The following ERMAP variants were observed in gnomAD, a reference collection of about 807,000 sequenced individuals.
The protein encoded by ERMAP is erythroid membrane-associated protein.
A neutral mutation model predicts 49.5 loss-of-function variants in ERMAP; 34 were observed. The observed-to-expected ratio is 0.69, with a 90% confidence interval of 0.52 to 0.91. ERMAP has a LOEUF of 0.91. Among genes scored for constraint, ERMAP ranks in the 40% least tolerant of loss-of-function variants. ERMAP has a pLI of 0.00. For missense variants in ERMAP, 541 were observed against 582.6 expected, an observed-to-expected ratio of 0.93 and a Z score of 0.74; for synonymous variants, 214 against 232.2, an observed-to-expected ratio of 0.92 and a Z score of 0.71.
chr1:42,837,161 A>G lies in ERMAP; in HGVS notation c.587A>G (p.Asn196Ser). ...LLYEHVTEVDNLLSDHAKEKG... is the reference protein window; with the variant it reads ...LLYEHVTEVDSLLSDHAKEKG... ...ATCTTTTCCTTTCTTCCTCTAGACAATCTTCTTTCAGACCATGCTAAAGAA... is the reference window on the plus strand; with the variant it reads ...ATCTTTTCCTTTCTTCCTCTAGACAGTCTTCTTTCAGACCATGCTAAAGAA... Residue 196 changes from asparagine (N) to serine (S), a missense_variant, in exon 7 of 12, where the codon AAT becomes AGT. By Grantham distance (46) the Asn-to-Ser change is conservative. Transcript: ENST00000372517. 1 of 1,614,076 alleles carries G rather than the reference A, an allele frequency of 6.2e-7. No individual in the cohort carries two copies. Among genetic ancestry groups the G allele is most frequent in the Middle Eastern group, 1.7e-4 (1 of 6,060 alleles).
intron 1 of ERMAP, among the ~76,000 whole-genome samples, chr1:42,822,274 C>G (rs1361813395): frequency 2.0e-5 from 3 of 151,994 alleles, no homozygotes; most frequent in Admixed American, 6.6e-5. Context: ...ACCTCCACCT[C>G]CCAGCTTCAA....
chr1:42,829,559 A>G (rs970375745), intron 2 of ERMAP, among the ~76,000 whole-genome samples: 1 of 152,252 alleles, frequency 6.6e-6, no homozygotes, highest in Admixed American at 6.5e-5. Flanking sequence ...AGGTGGGGAA[A>G]GAGCTTTACA....
At chr1:42,828,553 T>C (rs937882337) in intron 2 of ERMAP, among the ~76,000 whole-genome samples, 37 of 151,804 alleles carry the variant, frequency 2.4e-4, no homozygotes, top group Non-Finnish European at 2.4e-4. Flanking sequence ...TGGAGTGCAG[T>C]GGTGCAATCA....
At chr1:42,840,546 G>A (rs1466549) in intron 11 of ERMAP, among the ~76,000 whole-genome samples, 151,890 of 152,290 alleles carry the variant, frequency 1, 75,747 homozygotes, top group Middle Eastern at 1. Flanking sequence ...GTTTTCTGTG[G>A]TTTTTGAGAT....
At position 42,828,705 on chromosome 1, in the gene ERMAP, C is replaced by T. The variant is rs566622842; in HGVS notation, c.-5-1739C>T. Among the ~76,000 whole-genome samples the T allele has an allele frequency of 2.8e-4, 42 of 151,986 alleles. No homozygotes were observed. In the South Asian group the frequency reaches 8.3e-3, roughly 30 times the overall value. On this transcript the variant is annotated intron_variant, in intron 2 of 11. Transcript: ENST00000372517. ...TAGAGATGGAGTCTCACTATGTTGC[C>T]CAGGCTAGTCTCTAACTCCTGAGCT...
rs190661592 is a variant in ERMAP at position 42,819,001 on chromosome 1, G to A, written c.-122+1748G>A. Among the ~76,000 whole-genome samples, 8 of 152,210 alleles carry A rather than the reference G, an allele frequency of 5.3e-5. 1 individual carries two copies. The highest frequency in any genetic ancestry group is 4.2e-4 in the South Asian group (2 of 4,818). On this transcript the variant is annotated intron_variant, in intron 1 of 11. Coordinates refer to ENST00000372517, the MANE Select transcript of ERMAP (RefSeq NM_001017922.2). The surrounding 1 kb of genome is among the most constrained non-coding windows in gnomAD (Gnocchi z 5.1). The stretch of plus-strand genomic sequence containing the variant: ...TGAACTAGATTACAGCTGAAGACAC[G>A]GCAGGACCTTTAGAAGCCAGCTAAA...
rs578186524 is a variant in ERMAP, at chr1:42,819,956, T to C, written c.-122+2703T>C. On this transcript the variant is annotated intron_variant, in intron 1 of 11. Coordinates refer to ENST00000372517, the MANE Select transcript of ERMAP (RefSeq NM_001017922.2). This position sits in a 1 kb window ranked among gnomAD's most constrained non-coding sequence, Gnocchi z 5.1. ...TTATGTTTTTCCATTCTTGGTTTAT[T>C]CTCTCATTTTGGAGGAGTATGTTCT... is the stretch of plus-strand genomic sequence containing the variant. Among the ~76,000 whole-genome samples the C allele has an allele frequency of 4.6e-5, 7 of 152,336 alleles. No individual in the cohort carries two copies. The highest frequency in any genetic ancestry group is 6.5e-5 in the Admixed American group (1 of 15,306).
Position 42,817,242 on chromosome 1 carries a change from G to C in ERMAP, c.-133G>C, listed in dbSNP as rs1391164131. 2 of 1,253,984 alleles carry C rather than the reference G, an allele frequency of 1.6e-6. No homozygotes were observed. Among genetic ancestry groups the C allele is most frequent in the Non-Finnish European group, 2.1e-6 (2 of 972,804 alleles). 77.7% of individuals were successfully genotyped at this position (1,253,984 alleles called of 1,614,324 possible). On this transcript the variant is annotated 5_prime_UTR_variant, in exon 1 of 12. Transcript: ENST00000372517. Reference sequence around the variant, plus strand: ...GAGCCTCCGCCGAGTCGCAGACAACGCCTCCGGGAGGGTAATCCTCGCCTT... The same window carrying C: ...GAGCCTCCGCCGAGTCGCAGACAACCCCTCCGGGAGGGTAATCCTCGCCTT...
chr1:42,830,283 A>T (rs1188178408), intron 2 of ERMAP, 161 bp from the exon 3 acceptor site: 2 of 617,376 alleles, frequency 3.2e-6, no homozygotes, highest in Non-Finnish European at 5.8e-6. Flanking sequence ...AAGTTCGGTC[A>T]CAGTATCACA....
chr1:42,832,907 C>T (rs1333535634), intron 4 of ERMAP, among the ~76,000 whole-genome samples: 2 of 152,248 alleles, frequency 1.3e-5, no homozygotes, highest in Non-Finnish European at 1.5e-5. Flanking sequence ...GGCAGAGGCC[C>T]TGCTGGTGTG....
At position 42,835,715 on chromosome 1, in the gene ERMAP, T is replaced by A; in HGVS notation, c.551-17T>A. The A allele has an allele frequency of 6.2e-7, 1 of 1,611,590 alleles. No individual in the cohort carries two copies. Among genetic ancestry groups the A allele is most frequent in the Non-Finnish European group, 8.5e-7 (1 of 1,178,918 alleles). ...AGCCCTTCCTAAGCTGAGCTGGCAT[T>A]TCTCTCTCCCTTTTAGAAAAGCTTC... On this transcript the variant is annotated splice_polypyrimidine_tract_variant and intron_variant, in intron 5 of 11. Transcript: ENST00000372517.
At chr1:42,831,561 T>G (rs868175043) in intron 4 of ERMAP, among the ~76,000 whole-genome samples, 3 of 48,718 alleles carry the variant, frequency 6.2e-5, no homozygotes, top group African/African-American at 1.1e-4. Context: ...TAGTGTTTTT[T>G]TTTTTTTTTT....
chr1:42,843,484 G>T lies in ERMAP; in HGVS notation c.*252G>T. 1 of 393,720 alleles carries T rather than the reference G, an allele frequency of 2.5e-6. No individual in the cohort carries two copies. The highest frequency in any genetic ancestry group is 6.3e-5 in the South Asian group (1 of 15,828). The allele number at this position is 393,720 out of a possible 1,614,324, so 24.4% of individuals were successfully genotyped here. ...CAAACAATCAGTTTAGGTGCAGGTG[G>T]AGATGTTGAATATGTGTTACCAAGA... is the stretch of plus-strand genomic sequence containing the variant. On this transcript the variant is annotated 3_prime_UTR_variant, in exon 12 of 12. Coordinates refer to ENST00000372517, the MANE Select transcript of ERMAP (RefSeq NM_001017922.2).
rs372626338 is a variant in ERMAP at position 42,843,218 on chromosome 1, G to C, written c.1414G>C (p.Ala472Pro). Residue 472 changes from alanine to proline, a missense_variant, in exon 12 of 12, where the codon GCT (alanine) becomes CCT (proline). Physicochemically the swap from Ala to Pro is conservative, Grantham distance 27. Coordinates refer to ENST00000372517, the MANE Select transcript of ERMAP (RefSeq NM_001017922.2). ...TGGCCCAGCCCTTCAGGAGCTCAAG[G>C]CTCCTTCTTTTTAGGGATATGCCAC... Reference protein sequence around the residue: ...DLGPALQELKAPSF With the variant: ...DLGPALQELKPPSF The C allele has an allele frequency of 1.9e-6, 3 of 1,583,948 alleles. No homozygotes were observed. The highest frequency in any genetic ancestry group is 2.3e-5 in the South Asian group (2 of 86,030).
In ERMAP at chr1:42,837,199, A is replaced by G; in HGVS notation, c.616+9A>G. The G allele has an allele frequency of 1.2e-6, 2 of 1,613,224 alleles. No homozygotes were observed. Among genetic ancestry groups the G allele is most frequent in the Non-Finnish European group, 8.5e-7 (1 of 1,179,194 alleles). On this transcript the variant is annotated intron_variant, in intron 7 of 11. Coordinates refer to ENST00000372517, the MANE Select transcript of ERMAP (RefSeq NM_001017922.2). ...CCATGCTAAAGAAAAAGGTAATGAT[A>G]TAAAAGAGTAAGGGGTAGGGAACAA...
chr1:42,821,748 A>AT (rs1416207895), intron 1 of ERMAP, among the ~76,000 whole-genome samples: 1 of 152,184 alleles, frequency 6.6e-6, no homozygotes, highest in Non-Finnish European at 1.5e-5. Context: ...GTGGTGGTTC[A>AT]TGCCTGTAAT....
Position 42,830,838 on chromosome 1 carries a change from C to A in ERMAP, c.156C>A (p.Leu52=), listed in dbSNP as rs760631140. ...GCACAGCCGAGCTGCTCTGCCCTCT[C>A]TCCCTCTGGCCCGGGACGGTACCCA... ...LGGTAELLCP[L]SLWPGTVPKE... The change falls in exon 4 of 12, where the codon CTC becomes CTA. Residue 52 remains leucine (L), a synonymous_variant. Coordinates refer to ENST00000372517, the MANE Select transcript of ERMAP (RefSeq NM_001017922.2). The A allele has an allele frequency of 5.6e-6, 9 of 1,601,308 alleles. No individual in the cohort carries two copies. The African/African-American group carries it at 1.2e-4, about 21-fold the overall frequency.
chr1:42,839,969 A>G lies in ERMAP; in HGVS notation c.638-64A>G, dbSNP rs915328542. The stretch of plus-strand genomic sequence containing the variant: ...CTCATGGTTGGGATGGGACTGTAGC[A>G]TTATGGGAGGGCCTCTACATAGAGG... On this transcript the variant is annotated intron_variant, in intron 8 of 11. Transcript: ENST00000372517. 23 of 1,503,996 alleles carry G rather than the reference A, an allele frequency of 1.5e-5. No homozygotes were observed. In the East Asian group the frequency reaches 4.7e-4, roughly 31 times the overall value. The allele number at this position is 1,503,996 out of a possible 1,614,324, so 93.2% of individuals were successfully genotyped here. A position where few individuals can be genotyped will look rare whatever the true frequency, so the allele number is the denominator to read the frequency against.
chr1:42,830,597 A>G, intron 3 of ERMAP, 64 bp downstream of exon 3: 1 of 1,565,560 alleles, frequency 6.4e-7, no homozygotes, highest in Middle Eastern at 1.7e-4. Context: ...CAGAATAAGG[A>G]AGCTTGGCTG....
Sources: gnomAD v4.1 joint callset for allele counts (sites outside exome capture counted in the v4.1 genomes callset) on GRCh38, gnomAD v4.1.1 for gene constraint, Gnocchi (gnomAD v3.1) non-coding constraint, MANE v1.5 for transcripts, NCBI Gene and HGNC (gene_info 2026-07-23, HGNC 2026-07-21) for gene names.